LOC128706665: variants seen among roughly 807,000 people sequenced by gnomAD.
chr20:10,422,467 A>G, the LOC128706665 span, among the ~76,000 whole-genome samples: 1 of 152,138 alleles, frequency 6.6e-6, no homozygotes, highest in Non-Finnish European at 1.5e-5. Flanking sequence ...TAAGGGTACA[A>G]TAAAATAACT....
the LOC128706665 span, among the ~76,000 whole-genome samples, chr20:10,425,191 A>C: frequency 6.6e-6 from 1 of 152,234 alleles, no homozygotes; most frequent in Non-Finnish European, 1.5e-5. Flanking sequence ...GTGTAACAAA[A>C]ATGTGATCAT....
chr20:10,416,716 T>C, the LOC128706665 span, among the ~76,000 whole-genome samples: 2 of 152,292 alleles, frequency 1.3e-5, no homozygotes, highest in South Asian at 2.1e-4. Flanking sequence ...GGAGAAGGAA[T>C]GATAGAATTT....
At chr20:10,423,316 G>A in the LOC128706665 span, among the ~76,000 whole-genome samples, 21 of 152,206 alleles carry the variant, frequency 1.4e-4, no homozygotes, top group Admixed American at 1.4e-3. Flanking sequence ...CTGCGTGGGG[G>A]GTGCTGAGGT....
At chr20:10,431,834 G>A in the LOC128706665 span, 1 of 152,178 alleles carries the variant, frequency 6.6e-6, no homozygotes, top group Admixed American at 6.5e-5. Flanking sequence ...GTCCACAGAG[G>A]ATGGCTTATT....
chr20:10,428,566 C>T, the LOC128706665 span, among the ~76,000 whole-genome samples: 7 of 152,144 alleles, frequency 4.6e-5, no homozygotes, highest in Non-Finnish European at 7.3e-5. Context: ...CAGCTGGGCG[C>T]GGTGGCTCAC....
At chr20:10,423,721 T>G in the LOC128706665 span, among the ~76,000 whole-genome samples, 10 of 152,322 alleles carry the variant, frequency 6.6e-5, no homozygotes, top group South Asian at 2.1e-4. Context: ...TTATGTATAT[T>G]GTGCTTAACA....
At chr20:10,414,188 C>T in the LOC128706665 span, among the ~76,000 whole-genome samples, 3 of 151,436 alleles carry the variant, frequency 2.0e-5, no homozygotes, top group Admixed American at 2.0e-4. Context: ...AGAAAGCTTA[C>T]AGCACAGTTA....
chr20:10,432,288 T>G, the LOC128706665 span, among the ~76,000 whole-genome samples: 7 of 152,244 alleles, frequency 4.6e-5, no homozygotes, highest in African/African-American at 1.7e-4. Flanking sequence ...TCCTGCTTCC[T>G]TTCTTCCTTG....
At chr20:10,423,082 T>G in the LOC128706665 span, among the ~76,000 whole-genome samples, 1 of 152,070 alleles carries the variant, frequency 6.6e-6, no homozygotes, top group Non-Finnish European at 1.5e-5. Context: ...ATTAACATAA[T>G]TCAACATTTG....
the LOC128706665 span, among the ~76,000 whole-genome samples, chr20:10,429,756 C>T: frequency 6.6e-6 from 1 of 152,164 alleles, no homozygotes; most frequent in African/African-American, 2.4e-5. Flanking sequence ...TCCAGACCCT[C>T]GCGCCCTCAC....
chr20:10,427,078 AC>A, the LOC128706665 span, among the ~76,000 whole-genome samples: 1 of 144,206 alleles, frequency 6.9e-6, no homozygotes, highest in African/African-American at 2.5e-5. Context: ...ACACACACAC[AC>A]AAAGTAAGGT....
the LOC128706665 span, among the ~76,000 whole-genome samples, chr20:10,414,587 T>A: frequency 5.8e-3 from 876 of 152,240 alleles, 12 homozygotes; most frequent in African/African-American, 0.019. Context: ...TTAAAAGAAG[T>A]CCCAAATATC....
the LOC128706665 span, among the ~76,000 whole-genome samples, chr20:10,426,410 TC>T: frequency 0.14 from 21,587 of 152,124 alleles, 1,733 homozygotes; most frequent in East Asian, 0.24. Context: ...GGCATGTTGT[TC>T]TTTTTTCTTT....
the LOC128706665 span, among the ~76,000 whole-genome samples, chr20:10,425,122 C>G: frequency 6.0e-5 from 9 of 150,422 alleles, no homozygotes; most frequent in Admixed American, 3.3e-4. Flanking sequence ...TATAGTATAA[C>G]CTTACTTTTT....
At chr20:10,429,948 T>C in the LOC128706665 span, among the ~76,000 whole-genome samples, 12 of 152,224 alleles carry the variant, frequency 7.9e-5, no homozygotes, top group Admixed American at 5.9e-4. Context: ...TAGGTAATTC[T>C]GAAGCTAAAG....
chr20:10,414,334 T>A, the LOC128706665 span, among the ~76,000 whole-genome samples: 2 of 150,684 alleles, frequency 1.3e-5, no homozygotes, highest in African/African-American at 4.9e-5. Flanking sequence ...GGCGTGATCT[T>A]GGCTCACCAC....
the LOC128706665 span, among the ~76,000 whole-genome samples, chr20:10,432,635 A>G: frequency 6.6e-6 from 1 of 152,098 alleles, no homozygotes; most frequent in African/African-American, 2.4e-5. Flanking sequence ...TCTACTAAAA[A>G]ATACAAAAAT....
At chr20:10,421,491 G>GT in the LOC128706665 span, among the ~76,000 whole-genome samples, 1 of 151,676 alleles carries the variant, frequency 6.6e-6, no homozygotes, top group East Asian at 1.9e-4. Context: ...CAAATATGCA[G>GT]TAAGAATTTA....
At chr20:10,418,054 T>C in the LOC128706665 span, among the ~76,000 whole-genome samples, 3 of 152,304 alleles carry the variant, frequency 2.0e-5, no homozygotes, top group East Asian at 3.9e-4. Flanking sequence ...AATATAAACA[T>C]GGCCTTGGGT....
Sources: allele counts gnomAD v4.1 joint callset (sites outside exome capture counted in the v4.1 genomes callset), GRCh38; gene constraint gnomAD v4.1.1; transcripts MANE v1.5.